The following MYRFL variants were observed in gnomAD, a reference collection of about 807,000 sequenced individuals.
MYRFL encodes myelin regulatory factor like.
A neutral mutation model predicts 109.4 loss-of-function variants in MYRFL; 88 were observed. That is an observed-to-expected ratio of 0.80 (90% confidence interval 0.68 to 0.96). The LOEUF is 0.96. MYRFL is among the 40% of genes least tolerant of loss of function. The pLI is 0.00. For synonymous variants in MYRFL, 324 were observed against 320.9 expected (o/e 1.01, Z -0.10); for missense variants, 957 against 954.9 (o/e 1.00, Z -0.03).
chr12:69,938,879 G>A (rs61929671), intron 19 of MYRFL, among the ~76,000 whole-genome samples: 8,431 of 152,192 alleles, frequency 0.055, 296 homozygotes, highest in Middle Eastern at 0.14. Flanking sequence ...TGCCTCACCC[G>A]GGAAGCGCAG....
Position 69,936,492 on chromosome 12 carries a change from A to G in MYRFL, c.2084A>G (p.Gln695Arg). 6.5e-7 allele frequency: 1 copy of G among 1,535,986 alleles called. No homozygotes were observed. Among genetic ancestry groups the G allele is most frequent in the Non-Finnish European group, 8.7e-7 (1 of 1,146,892 alleles). ...TSLVTTPASL[Q>R]VPEITFCEIL... ...CTGGTAACCACACCGGCCTCCTTAC[A>G]AGTACCTGAAATTACTTTCTGTGAA... Residue 695 changes from glutamine (Q) to arginine (R), a missense_variant, in exon 19 of 25, where the codon CAA becomes CGA. Coordinates refer to ENST00000552032, the MANE Select transcript of MYRFL (RefSeq NM_182530.3).
chr12:69,862,993 A>G (rs1477352952), intron 2 of MYRFL, among the ~76,000 whole-genome samples: 2 of 152,206 alleles, frequency 1.3e-5, no homozygotes, highest in African/African-American at 2.4e-5. Context: ...CCTTTTCTGC[A>G]TCTATTGAGA....
At chr12:69,952,006 A>G in intron 19 of MYRFL, 107 bp from the exon 20 acceptor site, 1 of 844,168 alleles carries the variant, frequency 1.2e-6, no homozygotes, top group Non-Finnish European at 1.9e-6. Context: ...GGGAGACAGA[A>G]AGGGTGGGGG....
intron 1 of MYRFL, among the ~76,000 whole-genome samples, chr12:69,832,512 T>C (rs1163703927): frequency 6.6e-6 from 1 of 152,124 alleles, no homozygotes; most frequent in Non-Finnish European, 1.5e-5. Flanking sequence ...GCAGAGAGTC[T>C]GATGAAGAGA....
At chr12:69,888,226 T>A (rs552731589) in intron 6 of MYRFL, among the ~76,000 whole-genome samples, 1 of 152,264 alleles carries the variant, frequency 6.6e-6, no homozygotes, top group African/African-American at 2.4e-5. Flanking sequence ...TCAAAAGTAA[T>A]GAGGCAGATT....
At chr12:69,834,479 C>T (rs1882818946) in intron 1 of MYRFL, among the ~76,000 whole-genome samples, 1 of 152,106 alleles carries the variant, frequency 6.6e-6, no homozygotes, top group Non-Finnish European at 1.5e-5. Context: ...AGTTGTATGA[C>T]CTTTTAAAGT....
chr12:69,863,153 A>C (rs1462514981), intron 2 of MYRFL, among the ~76,000 whole-genome samples: 1 of 152,094 alleles, frequency 6.6e-6, no homozygotes, highest in Non-Finnish European at 1.5e-5. Context: ...TCGGTTTGCC[A>C]GTATTTTATT....
chr12:69,958,555 C>T lies in MYRFL; in HGVS notation c.*24C>T, dbSNP rs537537465. 6.8e-6 allele frequency: 10 copies of T among 1,477,934 alleles called. No homozygotes were observed. The South Asian group carries it at 1.0e-4, about 15-fold the overall frequency. 91.6% of individuals were successfully genotyped at this position (1,477,934 alleles called of 1,614,324 possible). A position where few individuals can be genotyped will look rare whatever the true frequency, so the allele number is the denominator to read the frequency against. ...AATTTGTTCAAGTTTGGGGACTTTA[C>T]CAAAGAAAAATACTCAGGAATACAT... On this transcript the variant is annotated 3_prime_UTR_variant, in exon 25 of 25. Transcript: ENST00000552032.
Position 69,879,038 on chromosome 12 carries a change from C to A in MYRFL, c.148C>A (p.Leu50Ile), listed in dbSNP as rs916041307. The A allele has an allele frequency of 1.1e-5, 8 of 702,846 alleles. No individual in the cohort carries two copies. Among genetic ancestry groups the A allele is most frequent in the Non-Finnish European group, 2.1e-5 (8 of 384,844 alleles). The allele number at this position is 702,846 out of a possible 1,614,324, so 43.5% of individuals were successfully genotyped here. Residue 50 changes from leucine (L) to isoleucine (I), a missense_variant, in exon 3 of 25, where the codon CTC becomes ATC. Transcript: ENST00000552032. The part of the protein sequence containing the change: ...DFDLGALQRQ[L>I]PDTPPYSASD... The stretch of plus-strand genomic sequence containing the variant: ...GTCTCTAATCTTCAGGCAACGCCAG[C>A]TCCCAGACACCCCGCCCTATTCTGC...
chr12:69,882,080 C>T (rs997786100), intron 5 of MYRFL, among the ~76,000 whole-genome samples: 5 of 152,154 alleles, frequency 3.3e-5, no homozygotes, highest in African/African-American at 4.8e-5. Context: ...CTCCATCCTG[C>T]GATGGTTTTC....
intron 2 of MYRFL, among the ~76,000 whole-genome samples, chr12:69,856,087 A>G (rs1884265621): frequency 6.6e-6 from 1 of 151,524 alleles, no homozygotes; most frequent in South Asian, 2.1e-4. Context: ...GATCAGACTC[A>G]CCATCTACAC....
At chr12:69,851,544 A>T (rs1883875555) in intron 1 of MYRFL, among the ~76,000 whole-genome samples, 1 of 152,250 alleles carries the variant, frequency 6.6e-6, no homozygotes, top group Admixed American at 6.5e-5. Flanking sequence ...GAGAGCTTTT[A>T]CAGTGAGGAA....
intron 15 of MYRFL, among the ~76,000 whole-genome samples, chr12:69,928,992 C>A (rs1955186547): frequency 6.6e-6 from 1 of 152,158 alleles, no homozygotes; most frequent in Non-Finnish European, 1.5e-5. Context: ...AGAATATTAA[C>A]TAGAATATAT....
Position 69,866,236 on chromosome 12 carries a change from T to C in MYRFL, c.137+10866T>C, listed in dbSNP as rs1885009735. Among the ~76,000 whole-genome samples, 3 of 152,094 alleles carry C rather than the reference T, an allele frequency of 2.0e-5. No individual in the cohort carries two copies. The South Asian group carries it at 6.2e-4, about 32-fold the overall frequency. On this transcript the variant is annotated intron_variant, in intron 2 of 24. Transcript: ENST00000552032. ...GATCCGAGCCATAGTTCATAAAGAT[T>C]GTCAGAGTTCACGTTCATTAAAGGA...
intron 2 of MYRFL, among the ~76,000 whole-genome samples, chr12:69,863,237 G>A (rs768811188): frequency 3.7e-4 from 56 of 152,004 alleles, no homozygotes; most frequent in Non-Finnish European, 5.3e-4. Context: ...TCTGCCCGGC[G>A]TTGGTATCAG....
At chr12:69,942,549 G>A (rs1955691910) in intron 19 of MYRFL, among the ~76,000 whole-genome samples, 1 of 145,622 alleles carries the variant, frequency 6.9e-6, no homozygotes, top group Non-Finnish European at 1.5e-5. Flanking sequence ...AATAATAAGA[G>A]CTATCTATGA....
At chr12:69,917,569 T>C (rs1954779095) in intron 13 of MYRFL, among the ~76,000 whole-genome samples, 1 of 152,158 alleles carries the variant, frequency 6.6e-6, no homozygotes, top group Non-Finnish European at 1.5e-5. Context: ...TTGATCCTGT[T>C]TCTGTACTGC....
chr12:69,836,523 A>T (rs1426397865), intron 1 of MYRFL, among the ~76,000 whole-genome samples: 1 of 152,204 alleles, frequency 6.6e-6, no homozygotes, highest in Non-Finnish European at 1.5e-5. Context: ...TCTTCTGCTA[A>T]GAGTAAATAT....
chr12:69,863,653 T>G (rs1395234953), intron 2 of MYRFL, among the ~76,000 whole-genome samples: 1 of 152,190 alleles, frequency 6.6e-6, no homozygotes, highest in Non-Finnish European at 1.5e-5. Context: ...TGCTATAATC[T>G]TTGGTTTCAA....
Sources: allele counts gnomAD v4.1 joint callset (sites outside exome capture counted in the v4.1 genomes callset), GRCh38; gene constraint gnomAD v4.1.1; transcripts MANE v1.5; gene names NCBI Gene and HGNC (gene_info 2026-07-23, HGNC 2026-07-21).